Variants in WDPCP observed in about 807,000 individuals in gnomAD.
The protein encoded by WDPCP is WD repeat containing planar cell polarity effector.
Under a neutral mutation model 93.1 loss-of-function variants are expected in WDPCP, and 71 were observed. The ratio of observed to expected loss-of-function variants is 0.76; its 90% CI spans 0.63 to 0.93. WDPCP has a LOEUF of 0.93. Among genes scored for constraint, WDPCP ranks in the 40% least tolerant of loss-of-function variants. WDPCP has a pLI of 0.00. For synonymous variants in WDPCP, 315 were observed against 315.0 expected (o/e 1.00, Z 0.00); for missense variants, 844 against 887.4 (o/e 0.95, Z 0.62).
intron 2 of WDPCP, among the ~76,000 whole-genome samples, chr2:63,747,121 ATGTC>A (rs1669810825): frequency 6.6e-6 from 1 of 152,038 alleles, no homozygotes; most frequent in Non-Finnish European, 1.5e-5. Context: ...CCCTGATAAA[ATGTC>A]TGGTCCTATT....
the WDPCP span, among the ~76,000 whole-genome samples, chr2:63,835,660 T>C: frequency 6.6e-6 from 1 of 152,026 alleles, no homozygotes; most frequent in South Asian, 2.1e-4. Context: ...AATAATAAAA[T>C]GGCACCAGAA....
intron 13 of WDPCP, among the ~76,000 whole-genome samples, chr2:63,269,187 A>G (rs1682418622): frequency 6.6e-6 from 1 of 152,230 alleles, no homozygotes; most frequent in South Asian, 2.1e-4. Context: ...TAGTTGATAG[A>G]TGGTTAACTT....
At chr2:63,237,997 T>G (rs942783701) in intron 14 of WDPCP, among the ~76,000 whole-genome samples, 6 of 147,332 alleles carry the variant, frequency 4.1e-5, no homozygotes, top group African/African-American at 1.5e-4. Flanking sequence ...AAAATAAATA[T>G]TTTCTAAAAA....
chr2:63,810,657 G>T (rs927402604), intron 2 of WDPCP, among the ~76,000 whole-genome samples: 1 of 152,124 alleles, frequency 6.6e-6, no homozygotes, highest in Non-Finnish European at 1.5e-5. Context: ...AATCAGGGAA[G>T]GTCTCACATG....
At chr2:63,329,841 T>C (rs1309306540) in intron 12 of WDPCP, among the ~76,000 whole-genome samples, 2 of 152,174 alleles carry the variant, frequency 1.3e-5, no homozygotes, top group Non-Finnish European at 2.9e-5. Flanking sequence ...AGTGAGATCA[T>C]GGAGTCTTTT....
chr2:63,722,094 C>A (rs1180150488), intron 2 of WDPCP, among the ~76,000 whole-genome samples: 86 of 135,572 alleles, frequency 6.3e-4, no homozygotes, highest in Middle Eastern at 3.7e-3. Context: ...TCCACCTCCC[C>A]GCCGCCTGCC....
intron 13 of WDPCP, among the ~76,000 whole-genome samples, chr2:63,300,285 C>G (rs1289448682): frequency 3.9e-5 from 6 of 152,088 alleles, no homozygotes; most frequent in Admixed American, 3.9e-4. Flanking sequence ...GGTTTATAAC[C>G]CAGACAATGT....
At chr2:63,308,742 AG>A (rs1278050470) in intron 13 of WDPCP, among the ~76,000 whole-genome samples, 1 of 152,046 alleles carries the variant, frequency 6.6e-6, no homozygotes, top group Non-Finnish European at 1.5e-5. Flanking sequence ...GAGGCCTGTC[AG>A]GGGGTCGGGG....
At position 63,330,546 on chromosome 2, in the gene WDPCP, AT is replaced by A. The variant is rs771840737; in HGVS notation, c.1749-17236del. On this transcript the variant is annotated intron_variant, in intron 12 of 17. Coordinates refer to ENST00000272321, the MANE Select transcript of WDPCP (RefSeq NM_015910.7). ...CAGTTGGTTGCCTTTCATTTTGCTGATTTTTTTTTTCTTTGCAGTACAGAAA... is the reference window on the plus strand; with the variant it reads ...CAGTTGGTTGCCTTTCATTTTGCTGATTTTTTTTTCTTTGCAGTACAGAAA... Among the ~76,000 whole-genome samples the A allele has an allele frequency of 7.0e-4, 103 of 147,218 alleles. 1 individual carries two copies. Among genetic ancestry groups the A allele is most frequent in the South Asian group, 2.6e-3 (12 of 4,662 alleles).
intron 15 of WDPCP, among the ~76,000 whole-genome samples, chr2:63,162,121 AGT>A (rs1672687466): frequency 6.6e-6 from 1 of 152,028 alleles, no homozygotes; most frequent in Non-Finnish European, 1.5e-5. Context: ...TGATCTGGAG[AGT>A]GGGGAATGGG....
chr2:63,261,517 A>G (rs1383185273), intron 13 of WDPCP, among the ~76,000 whole-genome samples: 3 of 152,176 alleles, frequency 2.0e-5, no homozygotes, highest in East Asian at 3.8e-4. Flanking sequence ...TCAAAGGTGA[A>G]GTATGTAAAA....
intron 3 of WDPCP, among the ~76,000 whole-genome samples, chr2:63,603,655 C>CTTTTTTTTTT (rs11297982): frequency 2.0e-5 from 2 of 99,112 alleles, no homozygotes; most frequent in Admixed American, 1.2e-4. Flanking sequence ...CAAGACATTT[C>CTTTTTTTTTT]TTTTTTTTTT....
chr2:63,638,549 G>A (rs1350884468), intron 3 of WDPCP, among the ~76,000 whole-genome samples: 1 of 152,168 alleles, frequency 6.6e-6, no homozygotes, highest in Non-Finnish European at 1.5e-5. Flanking sequence ...CAACACTTTG[G>A]AAGGCAGAAG....
chr2:63,490,971 T>C (rs1700841090), intron 2 of WDPCP, among the ~76,000 whole-genome samples: 1 of 152,172 alleles, frequency 6.6e-6, no homozygotes, highest in Admixed American at 6.5e-5. Flanking sequence ...AAATGGGCAA[T>C]TATGATTAAA....
At chr2:63,466,431 C>T (rs1456754242) in intron 6 of WDPCP, among the ~76,000 whole-genome samples, 5 of 152,088 alleles carry the variant, frequency 3.3e-5, no homozygotes, top group African/African-American at 4.8e-5. Context: ...TCAAATATCA[C>T]GAATATAAAT....
intron 14 of WDPCP, among the ~76,000 whole-genome samples, chr2:63,220,525 A>G (rs1044997320): frequency 1.3e-5 from 2 of 152,110 alleles, no homozygotes; most frequent in African/African-American, 2.4e-5. Context: ...TTGGCATATT[A>G]GAAGGTTTAC....
chr2:63,552,460 T>C (rs902007314), intron 1 of WDPCP, among the ~76,000 whole-genome samples: 1 of 152,184 alleles, frequency 6.6e-6, no homozygotes, highest in Non-Finnish European at 1.5e-5. Context: ...AAAGAAGTAA[T>C]TCAACTTAAA....
chr2:63,623,059 A>G (rs2106634002), intron 3 of WDPCP, among the ~76,000 whole-genome samples: 1 of 152,388 alleles, frequency 6.6e-6, no homozygotes, highest in Non-Finnish European at 1.5e-5. Flanking sequence ...AAGAATTTTC[A>G]GCCCAGAATC....
chr2:63,677,298 A>G (rs932175769), intron 2 of WDPCP, among the ~76,000 whole-genome samples: 3 of 152,182 alleles, frequency 2.0e-5, no homozygotes, highest in African/African-American at 7.2e-5. Context: ...AATTATCTCT[A>G]TGGTTTTTCA....
Sources: gnomAD v4.1 joint callset for allele counts (sites outside exome capture counted in the v4.1 genomes callset) on GRCh38, gnomAD v4.1.1 for gene constraint, MANE v1.5 for transcripts, NCBI Gene and HGNC (gene_info 2026-07-23, HGNC 2026-07-21) for gene names.